ZNF385D: variants seen among roughly 807,000 people sequenced by gnomAD.
ZNF385D encodes zinc finger protein 659.
ZNF385D carries 15 observed loss-of-function variants against 35.8 expected under a neutral mutation model. That is an observed-to-expected ratio of 0.42 (90% CI 0.28 to 0.64). ZNF385D has a LOEUF of 0.64. ZNF385D is among the 30% of genes least tolerant of loss of function. The probability of loss-of-function intolerance (pLI) is 0.23; values close to 1 mark genes in which losing one functional copy is unlikely to be tolerated. For missense variants in ZNF385D, 474 were observed against 494.6 expected (o/e 0.96, Z 0.39); for synonymous variants, 212 against 186.8 (o/e 1.13, Z -1.10).
intron 3 of ZNF385D, among the ~76,000 whole-genome samples, chr3:21,520,518 C>T (rs928326648): frequency 6.6e-6 from 1 of 152,170 alleles, no homozygotes; most frequent in African/African-American, 2.4e-5. Flanking sequence ...GTTGAACACA[C>T]TTCAGGGGAT....
Position 21,437,058 on chromosome 3 carries a change from G to C in ZNF385D, c.585C>G (p.Thr195=), listed in dbSNP as rs146935576. The part of the protein sequence containing the change: ...TGNSSCPSTE[T]EEEKAKRLLY... Reference sequence around the variant, plus strand: ...GAAGCCGTTTTGCCTTTTCTTCCTCGGTCTCAGTAGAAGGACATGAGCTAT... The same window carrying C: ...GAAGCCGTTTTGCCTTTTCTTCCTCCGTCTCAGTAGAAGGACATGAGCTAT... Residue 195 remains threonine, a synonymous_variant, in exon 5 of 8, where the codon ACC becomes ACG. Transcript: ENST00000281523. The C allele has an allele frequency of 1.2e-6, 2 of 1,613,916 alleles. No individual in the cohort carries two copies. Among genetic ancestry groups the C allele is most frequent in the East Asian group, 2.2e-5 (1 of 44,866 alleles).
intron 2 of ZNF385D, among the ~76,000 whole-genome samples, chr3:22,261,275 C>T (rs1014172865): frequency 1.3e-5 from 2 of 151,898 alleles, no homozygotes; most frequent in African/African-American, 2.4e-5. Flanking sequence ...GCTAGACAGA[C>T]TGTAACATTA....
intron 3 of ZNF385D, among the ~76,000 whole-genome samples, chr3:22,016,411 G>C (rs1218967611): frequency 2.6e-5 from 4 of 152,056 alleles, no homozygotes; most frequent in Non-Finnish European, 5.9e-5. Flanking sequence ...AGTATCCCAC[G>C]ATGACAGGCA....
chr3:22,103,151 G>C (rs1702029941), intron 3 of ZNF385D, among the ~76,000 whole-genome samples: 1 of 149,410 alleles, frequency 6.7e-6, no homozygotes, highest in Admixed American at 6.7e-5. Context: ...ATTTTCTCAA[G>C]ATACTGCGGT....
chr3:22,087,225 ACT>A lies in ZNF385D; in HGVS notation c.325+81590_325+81591del, dbSNP rs1491453414. The stretch of plus-strand genomic sequence containing the variant: ...GCAAAACAGTAAAATTAAGCAATAA[ACT>A]CTTTTTTTTTCACTGTGGCCACATC... On this transcript the variant is annotated intron_variant, in intron 3 of 5. Coordinates refer to the ZNF385D transcript ENST00000494108. Among the ~76,000 whole-genome samples, 17 of 146,006 alleles carry A rather than the reference ACT, an allele frequency of 1.2e-4. No homozygotes were observed. In the East Asian group the frequency reaches 1.7e-3, roughly 15 times the overall value.
chr3:21,424,462 C>G (rs1184341558), intron 6 of ZNF385D, among the ~76,000 whole-genome samples: 2 of 149,058 alleles, frequency 1.3e-5, no homozygotes, highest in Non-Finnish European at 3.0e-5. Context: ...TACAGGTGCC[C>G]ACCACCATGC....
intron 3 of ZNF385D, among the ~76,000 whole-genome samples, chr3:22,007,356 C>G (rs897958502): frequency 6.6e-6 from 1 of 152,184 alleles, no homozygotes; most frequent in Non-Finnish European, 1.5e-5. Context: ...AACAGTCTTG[C>G]GTAAGTCTAC....
chr3:21,820,438 T>C (rs1314504178), intron 3 of ZNF385D, among the ~76,000 whole-genome samples: 1 of 151,712 alleles, frequency 6.6e-6, no homozygotes, highest in Non-Finnish European at 1.5e-5. Flanking sequence ...TTCATAGCAA[T>C]AGTTAAGGGG....
intron 2 of ZNF385D, among the ~76,000 whole-genome samples, chr3:22,175,505 T>C (rs1412270812): frequency 1.3e-5 from 2 of 152,022 alleles, no homozygotes; most frequent in African/African-American, 4.8e-5. Context: ...TAGCCACACA[T>C]TGCCATTCAA....
intron 2 of ZNF385D, among the ~76,000 whole-genome samples, chr3:22,362,262 T>C (rs1454579096): frequency 2.0e-5 from 3 of 151,856 alleles, no homozygotes; most frequent in Non-Finnish European, 2.9e-5. Context: ...CTAAGTATCA[T>C]CTCTTCAGAT....
chr3:22,192,937 C>A (rs536430813), intron 2 of ZNF385D, among the ~76,000 whole-genome samples: 1 of 152,056 alleles, frequency 6.6e-6, no homozygotes, highest in Admixed American at 6.6e-5. Context: ...TGTTTGAGTA[C>A]CTTGACTAAG....
rs190685616 is a variant in ZNF385D, at chr3:21,996,142, G to A, written c.325+172675C>T. Reference sequence around the variant, plus strand: ...GTGCTATAGCTGCTTGGGACTCAGCGTGTGTATGGGACCCAGCACAAACTA... The same window carrying A: ...GTGCTATAGCTGCTTGGGACTCAGCATGTGTATGGGACCCAGCACAAACTA... On this transcript the variant is annotated intron_variant, in intron 3 of 5. Transcript: ENST00000494108. Among the ~76,000 whole-genome samples, 52 of 152,212 alleles carry A rather than the reference G, an allele frequency of 3.4e-4. 1 individual carries two copies. The highest frequency in any genetic ancestry group is 3.4e-3 in the Middle Eastern group (1 of 294).
At chr3:21,959,962 T>A (rs1702493398) in intron 3 of ZNF385D, among the ~76,000 whole-genome samples, 1 of 149,020 alleles carries the variant, frequency 6.7e-6, no homozygotes, top group Admixed American at 6.7e-5. Context: ...ATAGGGGAAA[T>A]TTTTCAGAAC....
chr3:21,696,994 A>T (rs899107860), intron 1 of ZNF385D, among the ~76,000 whole-genome samples: 20 of 152,204 alleles, frequency 1.3e-4, no homozygotes, highest in Admixed American at 1.3e-3. Context: ...AACAGTTTAT[A>T]TATCATTCTC....
At chr3:21,506,141 T>C (rs1362409218) in intron 4 of ZNF385D, among the ~76,000 whole-genome samples, 1 of 152,148 alleles carries the variant, frequency 6.6e-6, no homozygotes, top group Non-Finnish European at 1.5e-5. Context: ...AGAGGAGAAT[T>C]ATTCTTGCCT....
At chr3:22,262,575 C>T (rs1011124771) in intron 2 of ZNF385D, among the ~76,000 whole-genome samples, 6 of 151,654 alleles carry the variant, frequency 4.0e-5, no homozygotes, top group African/African-American at 1.2e-4. Flanking sequence ...TCATGTCGTC[C>T]AGTCTTAACA....
In ZNF385D at chr3:21,992,747, C is replaced by T. The variant is rs553179217; in HGVS notation, c.325+176070G>A. On this transcript the variant is annotated intron_variant, in intron 3 of 5. Transcript: ENST00000494108. ...TTACATAGCTTTAAAGTGTTCTAGTCTATGGCTGTTTCATAATTGATTTAC... is the reference window on the plus strand; with the variant it reads ...TTACATAGCTTTAAAGTGTTCTAGTTTATGGCTGTTTCATAATTGATTTAC... Among the ~76,000 whole-genome samples the T allele has an allele frequency of 2.0e-4, 30 of 152,228 alleles. No homozygotes were observed. In the South Asian group the frequency reaches 2.7e-3, roughly 14 times the overall value.
chr3:22,329,035 C>G (rs1300300614), intron 2 of ZNF385D, among the ~76,000 whole-genome samples: 1 of 145,034 alleles, frequency 6.9e-6, no homozygotes, highest in East Asian at 2.0e-4. Context: ...CGAGATCGCG[C>G]CACTGCACTC....
At chr3:21,703,548 C>A (rs2336038) in intron 1 of ZNF385D, among the ~76,000 whole-genome samples, 63,974 of 151,850 alleles carry the variant, frequency 0.42, 14,338 homozygotes, top group Middle Eastern at 0.53. Flanking sequence ...AAATGTTTTC[C>A]ATTACACAGT....
Sources: allele counts gnomAD v4.1 joint callset (sites outside exome capture counted in the v4.1 genomes callset), GRCh38; gene constraint gnomAD v4.1.1; transcripts MANE v1.5; gene names NCBI Gene and HGNC (gene_info 2026-07-23, HGNC 2026-07-21).